The following PKHD1 variants were observed in gnomAD, a reference collection of about 807,000 sequenced individuals.
PKHD1 encodes the protein PKHD1 ciliary IPT domain containing fibrocystin/polyductin, also known as fibrocystin.
PKHD1 carries 291 observed loss-of-function variants against 412.0 expected under a neutral mutation model. The ratio of observed to expected loss-of-function variants is 0.71; its 90% CI spans 0.64 to 0.78. PKHD1 has a LOEUF of 0.78. Ranked by LOEUF, PKHD1 falls within the 30% of genes least tolerant of loss-of-function variation. PKHD1 has a pLI of 0.00. For synonymous variants in PKHD1, 1,777 were observed against 1,821.5 expected, an observed-to-expected ratio of 0.98 and a Z score of 0.62; for missense variants, 4,825 against 4,950.7, an observed-to-expected ratio of 0.97 and a Z score of 0.76.
intron 52 of PKHD1, among the ~76,000 whole-genome samples, chr6:51,805,658 T>C (rs562913632): frequency 6.6e-6 from 1 of 152,262 alleles, no homozygotes; most frequent in African/African-American, 2.4e-5. Flanking sequence ...AGGAAGACTA[T>C]GTAAAAACAA....
At position 51,619,082 on chromosome 6, in the gene PKHD1, C is replaced by A; in HGVS notation, c.12224G>T (p.Ter4075LeuextTer25). ...VHPETIQEQL[*>L] ...GCCAAATGCCCCCAACTTCCCTGAT[C>A]ACAGTTGCTCCTGAATAGTTTCCGG... The change falls in exon 67 of 67, where the codon TGA (stop) becomes TTA (leucine). Residue 4075 changes from the stop codon to leucine (L), a stop_lost. Transcript: ENST00000371117. The A allele has an allele frequency of 6.2e-7, 1 of 1,613,996 alleles. No homozygotes were observed. Among genetic ancestry groups the A allele is most frequent in the South Asian group, 1.1e-5 (1 of 91,048 alleles).
At chr6:51,765,912 C>T (rs1244882839) in intron 55 of PKHD1, among the ~76,000 whole-genome samples, 2 of 152,070 alleles carry the variant, frequency 1.3e-5, no homozygotes, top group African/African-American at 4.8e-5. Context: ...ACCCACTTTG[C>T]TTAATTAATG....
intron 43 of PKHD1, among the ~76,000 whole-genome samples, chr6:51,901,801 AT>A (rs1781351182): frequency 1.3e-5 from 2 of 152,272 alleles, no homozygotes; most frequent in South Asian, 4.1e-4. Context: ...AAACATATGC[AT>A]TGTATTTTTT....
At chr6:52,059,254 T>TTTTTC (rs1366177688) in intron 15 of PKHD1, among the ~76,000 whole-genome samples, 9 of 117,074 alleles carry the variant, frequency 7.7e-5, no homozygotes, top group South Asian at 3.2e-4. Flanking sequence ...TTTCTTTTTC[T>TTTTTC]TTTTCTTTTT....
chr6:51,646,130 C>A (rs910413689), intron 63 of PKHD1, among the ~76,000 whole-genome samples: 1 of 152,180 alleles, frequency 6.6e-6, no homozygotes, highest in South Asian at 2.1e-4. Flanking sequence ...AATGTTCCAT[C>A]GAACCCTTCT....
chr6:51,883,867 C>CAAA (rs1166032003), intron 45 of PKHD1, among the ~76,000 whole-genome samples: 1 of 151,830 alleles, frequency 6.6e-6, no homozygotes, highest in African/African-American at 2.4e-5. Flanking sequence ...GTGCTGATTA[C>CAAA]AAAAAAAACT....
chr6:51,755,054 G>T, intron 55 of PKHD1, 116 bp from the exon 56 acceptor site: 1 of 896,876 alleles, frequency 1.1e-6, no homozygotes, highest in Non-Finnish European at 1.9e-6. Context: ...CAGAGAAACT[G>T]AAATAGAAAT....
rs1184493728 is a variant in PKHD1, at chr6:51,658,999, A to T, written c.11127T>A (p.Thr3709=). The part of the protein sequence containing the change: ...TGVLENVLNM[T]IGALLVTQSK... ...ACTGAGTAACTAGTAAGGCCCCGAT[A>T]GTCATATTCAGAACATTCTCTAGTA... The change falls in exon 61 of 67, where the codon ACT becomes ACA. Residue 3709 remains threonine, a synonymous_variant. Coordinates refer to ENST00000371117, the MANE Select transcript of PKHD1 (RefSeq NM_138694.4). 1 of 1,613,046 alleles carries T rather than the reference A, an allele frequency of 6.2e-7. No individual in the cohort carries two copies. The highest frequency in any genetic ancestry group is 1.1e-5 in the South Asian group (1 of 91,056).
At chr6:52,004,923 T>G (rs935980784) in intron 35 of PKHD1, among the ~76,000 whole-genome samples, 1 of 152,130 alleles carries the variant, frequency 6.6e-6, no homozygotes, top group Non-Finnish European at 1.5e-5. Flanking sequence ...ACTCACTACA[T>G]GATTGGTTAA....
In PKHD1 at chr6:51,746,728, G is replaced by T. The variant is rs982551339; in HGVS notation, c.9991C>A (p.Gln3331Lys). 6.3e-7 allele frequency: 1 copy of T among 1,594,972 alleles called. No individual in the cohort carries two copies. Among genetic ancestry groups the T allele is most frequent in the East Asian group, 2.2e-5 (1 of 44,732 alleles). ...AAATACTAAAAATTATACCTGGGTT[G>T]TAATGAAGGAAAGTAGAACTTGTTT... The part of the protein sequence containing the change: ...DKNKFYFPSL[Q>K]PRKDLGKVVC... Residue 3331 changes from glutamine (Q) to lysine (K), a missense_variant, in exon 59 of 67, where the codon CAA becomes AAA. Transcript: ENST00000371117.
chr6:51,762,665 A>T (rs12214628), intron 55 of PKHD1, among the ~76,000 whole-genome samples: 50,589 of 146,106 alleles, frequency 0.35, 9,714 homozygotes, highest in East Asian at 0.68. Context: ...ATATATATAT[A>T]TTTTCAGGTA....
At chr6:51,967,539 C>T (rs1473402064) in intron 35 of PKHD1, among the ~76,000 whole-genome samples, 1 of 152,172 alleles carries the variant, frequency 6.6e-6, no homozygotes, top group Non-Finnish European at 1.5e-5. Context: ...GAAGGATATA[C>T]ATTAAAGTAC....
In PKHD1 at chr6:51,632,633, G is replaced by A. The variant is rs1768063333; in HGVS notation, c.11597C>T (p.Ser3866Phe). ...KSTIILAASL[S>F]SVASWLALSC... ...CAGAGCCAGCCATGAGGCCACAGAG[G>A]ACAGGGAAGCAGCCAGGATGATGGT... Residue 3866 changes from serine (S) to phenylalanine (F), a missense_variant, in exon 65 of 67, where the codon TCC becomes TTC. Coordinates refer to ENST00000371117, the MANE Select transcript of PKHD1 (RefSeq NM_138694.4). The A allele has an allele frequency of 6.2e-7, 1 of 1,613,434 alleles. No individual in the cohort carries two copies. The highest frequency in any genetic ancestry group is 8.5e-7 in the Non-Finnish European group (1 of 1,179,598).
intron 66 of PKHD1, among the ~76,000 whole-genome samples, chr6:51,620,361 T>A (rs944800102): frequency 2.0e-5 from 3 of 152,158 alleles, no homozygotes; most frequent in Non-Finnish European, 4.4e-5. Flanking sequence ...TGTGTAAAGA[T>A]AAAGACTGCA....
intron 60 of PKHD1, among the ~76,000 whole-genome samples, chr6:51,660,669 G>A (rs755155964): frequency 9.9e-5 from 15 of 152,104 alleles, no homozygotes; most frequent in Non-Finnish European, 2.2e-4. Flanking sequence ...TTATTATAAA[G>A]GATATTACAA....
chr6:51,955,637 T>C (rs1405122753), intron 36 of PKHD1, among the ~76,000 whole-genome samples: 1 of 152,092 alleles, frequency 6.6e-6, no homozygotes, highest in Non-Finnish European at 1.5e-5. Context: ...ATGTAATACC[T>C]TCATAAAGTA....
chr6:51,919,346 T>C (rs1784321808), intron 37 of PKHD1, among the ~76,000 whole-genome samples: 1 of 152,226 alleles, frequency 6.6e-6, no homozygotes, highest in African/African-American at 2.4e-5. Context: ...TTTCTACATA[T>C]GGCTAGCCAG....
intron 36 of PKHD1, among the ~76,000 whole-genome samples, chr6:51,948,010 C>G (rs1789739467): frequency 6.6e-6 from 1 of 152,060 alleles, no homozygotes; most frequent in Non-Finnish European, 1.5e-5. Flanking sequence ...CTTTCACTGT[C>G]TCTCACTCCA....
At chr6:51,771,186 A>T (rs536221196) in intron 55 of PKHD1, among the ~76,000 whole-genome samples, 1 of 130,358 alleles carries the variant, frequency 7.7e-6, no homozygotes, top group South Asian at 2.9e-4. Context: ...TTACATACAT[A>T]TAACAGGTAG....
Sources: gnomAD v4.1 joint callset for allele counts (sites outside exome capture counted in the v4.1 genomes callset) on GRCh38, gnomAD v4.1.1 for gene constraint, MANE v1.5 for transcripts, NCBI Gene and HGNC (gene_info 2026-07-23, HGNC 2026-07-21) for gene names.